SPATC1: variants seen among roughly 807,000 people sequenced by gnomAD.
The protein encoded by SPATC1 is speriolin.
In SPATC1, 35 loss-of-function variants were observed where a neutral mutation model predicts 36.5. That is an observed-to-expected ratio of 0.96 (90% CI 0.73 to 1.27). The LOEUF (loss-of-function observed/expected upper bound fraction) is 1.27, where lower values mean the gene tolerates loss of function less well. SPATC1 is among the 50% of genes most tolerant of loss of function. The pLI is 0.00. For synonymous variants in SPATC1, 361 were observed against 353.6 expected, an observed-to-expected ratio of 1.02 and a Z score of -0.24; for missense variants, 779 against 796.0, an observed-to-expected ratio of 0.98 and a Z score of 0.26.
At chr8:144,044,162 A>G (rs1564282078) in intron 4 of SPATC1, among the ~76,000 whole-genome samples, 1 of 152,180 alleles carries the variant, frequency 6.6e-6, no homozygotes, top group Non-Finnish European at 1.5e-5. Context: ...TGCGTAAAGC[A>G]ATACATCAAT....
intron 4 of SPATC1, among the ~76,000 whole-genome samples, chr8:144,044,227 CT>C (rs1554756466): frequency 6.6e-6 from 1 of 152,010 alleles, no homozygotes; most frequent in Non-Finnish European, 1.5e-5. Context: ...GTGGTACTGC[CT>C]TGCAATCTCC....
intron 1 of SPATC1, among the ~76,000 whole-genome samples, chr8:144,015,765 A>G (rs1385594696): frequency 6.7e-6 from 1 of 149,984 alleles, no homozygotes; most frequent in African/African-American, 2.4e-5. Context: ...AAAGAAAAGA[A>G]AAAAGAAAAA....
At position 144,016,845 on chromosome 8, in the gene SPATC1, C is replaced by T. The variant is rs1260800782; in HGVS notation, c.211+4119C>T. Among the ~76,000 whole-genome samples, 1 of 152,156 alleles carries T rather than the reference C, an allele frequency of 6.6e-6. No individual in the cohort carries two copies. The highest frequency in any genetic ancestry group is 1.5e-5 in the Non-Finnish European group (1 of 68,034). On this transcript the variant is annotated intron_variant, in intron 1 of 4. Coordinates refer to ENST00000377470, the MANE Select transcript of SPATC1 (RefSeq NM_198572.3). This position sits in a 1 kb window ranked among gnomAD's most constrained non-coding sequence, Gnocchi z 4.5. ...AGAGACGAGGTTTCTCCATGTTGGT[C>T]TCATGTCGGCCTCAAACTCCCGACT...
chr8:144,046,824 CT>C lies in SPATC1; in HGVS notation c.1645del (p.Tyr549ThrfsTer63). 1 of 1,604,228 alleles carries C rather than the reference CT, an allele frequency of 6.2e-7. No homozygotes were observed. The highest frequency in any genetic ancestry group is 8.5e-7 in the Non-Finnish European group (1 of 1,179,898). ...AGCTGGCGGCGTCTGAGGGCGGCCC[CT>C]ACACCGTGGACTTCCTGCAGCGTGT... is the stretch of plus-strand genomic sequence containing the variant. ...PELAASEGGP[Y>X]TVDFLQRVVV... On this transcript the variant is annotated frameshift_variant, in exon 5 of 5. Coordinates refer to ENST00000377470, the MANE Select transcript of SPATC1 (RefSeq NM_198572.3). LOFTEE classifies it high-confidence loss of function. The surrounding 1 kb of genome is among the most constrained non-coding windows in gnomAD (Gnocchi z 6.6).
At chr8:144,042,310 TA>T (rs1554756221) in intron 4 of SPATC1, among the ~76,000 whole-genome samples, 950 of 61,718 alleles carry the variant, frequency 0.015, 11 homozygotes, top group East Asian at 0.025. Context: ...TATATATATA[TA>T]TTTTTTTTTT....
chr8:144,040,266 C>T lies in SPATC1; in HGVS notation c.569C>T (p.Thr190Met), dbSNP rs377103432. 1.3e-4 allele frequency: 206 copies of T among 1,612,854 alleles called. 2 individuals are homozygous for T. The South Asian group carries it at 1.9e-3, about 15-fold the overall frequency. Residue 190 changes from threonine to methionine, a missense_variant, in exon 2 of 5, where the codon ACG becomes ATG. Coordinates refer to ENST00000377470, the MANE Select transcript of SPATC1 (RefSeq NM_198572.3). Reference protein sequence around the residue: ...SSPLIAPVMGTVAVSLSSPLL... With the variant: ...SSPLIAPVMGMVAVSLSSPLL... The stretch of plus-strand genomic sequence containing the variant: ...CCCCTGATAGCCCCTGTGATGGGCA[C>T]GGTGGCTGTCTCTCTGAGCAGCCCC...
In SPATC1 at chr8:144,016,341, C is replaced by T. The variant is rs547787001; in HGVS notation, c.211+3615C>T. ...TTTGTGAGTGAATGTGTGCATATGG[C>T]TCTGTGTGTGTGTGAGTTGCTGTGT... On this transcript the variant is annotated intron_variant, in intron 1 of 4. Coordinates refer to ENST00000377470, the MANE Select transcript of SPATC1 (RefSeq NM_198572.3). The surrounding 1 kb of genome is among the most constrained non-coding windows in gnomAD (Gnocchi z 4.5). 6.6e-6 allele frequency among the ~76,000 whole-genome samples: 1 copy of T among 151,710 alleles called. No individual in the cohort carries two copies. Among genetic ancestry groups the T allele is most frequent in the African/African-American group, 2.4e-5 (1 of 41,278 alleles).
At chr8:144,043,275 G>A (rs1835165302) in intron 4 of SPATC1, among the ~76,000 whole-genome samples, 1 of 150,164 alleles carries the variant, frequency 6.7e-6, no homozygotes, top group South Asian at 2.1e-4. Flanking sequence ...GATTACAGGC[G>A]TGAGCCACGG....
chr8:144,043,699 T>A (rs547455888), intron 4 of SPATC1, among the ~76,000 whole-genome samples: 1 of 151,906 alleles, frequency 6.6e-6, no homozygotes, highest in Non-Finnish European at 1.5e-5. Context: ...TTTTTTTTTT[T>A]TTTTTTTACA....
At chr8:144,013,419 A>G (rs1554752731) in intron 1 of SPATC1, among the ~76,000 whole-genome samples, 1 of 151,948 alleles carries the variant, frequency 6.6e-6, no homozygotes, top group African/African-American at 2.4e-5. Flanking sequence ...CTCACTCCAA[A>G]CTAGACATGT....
chr8:144,018,666 G>C (rs1400014302), intron 1 of SPATC1, among the ~76,000 whole-genome samples: 3 of 151,962 alleles, frequency 2.0e-5, no homozygotes, highest in African/African-American at 7.3e-5. Context: ...CTCCAGACCC[G>C]TGGCTTCAAT....
At chr8:144,014,270 A>C (rs782799282) in intron 1 of SPATC1, among the ~76,000 whole-genome samples, 2 of 147,290 alleles carry the variant, frequency 1.4e-5, no homozygotes, top group Non-Finnish European at 2.9e-5. Flanking sequence ...GGAAAGAAAG[A>C]AAGAAAGAGA....
In SPATC1 at chr8:144,012,515, C is replaced by T. The variant is rs2133089811; in HGVS notation, c.-1C>T. The T allele has an allele frequency of 6.4e-7, 1 of 1,551,672 alleles. No individual in the cohort carries two copies. Among genetic ancestry groups the T allele is most frequent in the East Asian group, 2.4e-5 (1 of 40,912 alleles). ...CCGCACCCTTGCCACTGCCCCAGGG[C>T]ATGTCTCTACTCACCAATTATGAAG... On this transcript the variant is annotated 5_prime_UTR_variant, in exon 1 of 5. Transcript: ENST00000377470.
At chr8:144,026,990 T>TC (rs1229637258) in intron 1 of SPATC1, among the ~76,000 whole-genome samples, 11 of 143,728 alleles carry the variant, frequency 7.7e-5, no homozygotes, top group African/African-American at 2.3e-4. Flanking sequence ...TTTTTTTCTT[T>TC]TTTTTTTTTT....
intron 1 of SPATC1, among the ~76,000 whole-genome samples, chr8:144,038,087 C>T (rs1321925820): frequency 3.5e-4 from 53 of 150,062 alleles, no homozygotes; most frequent in Admixed American, 3.1e-3. Context: ...GAGATCGCAC[C>T]ACTGCACTCC....
At chr8:144,041,880 G>T in intron 4 of SPATC1, 6 of 876,206 alleles carry the variant, frequency 6.8e-6, no homozygotes, top group Non-Finnish European at 8.2e-6. Context: ...TAGCCTAAGC[G>T]GGAGCTACTG....
chr8:144,016,603 TTTTG>T lies in SPATC1; in HGVS notation c.211+3897_211+3900del, dbSNP rs534048833. 0.018 allele frequency among the ~76,000 whole-genome samples: 2,733 copies of T among 151,784 alleles called. 74 individuals are homozygous for T. Among genetic ancestry groups the T allele is most frequent in the African/African-American group, 0.058 (2,413 of 41,282 alleles). ...AAGGCGCTAAGAAGACACTGATGGT[TTTTG>T]TTTGTTTGTTTGTTTGTTTTTTTGT... On this transcript the variant is annotated intron_variant, in intron 1 of 4. Coordinates refer to ENST00000377470, the MANE Select transcript of SPATC1 (RefSeq NM_198572.3). The surrounding 1 kb of genome is among the most constrained non-coding windows in gnomAD (Gnocchi z 4.5).
chr8:144,012,602 G>A lies in SPATC1; in HGVS notation c.87G>A (p.Arg29=). 1 of 1,551,754 alleles carries A rather than the reference G, an allele frequency of 6.4e-7. No individual in the cohort carries two copies. Among genetic ancestry groups the A allele is most frequent in the Non-Finnish European group, 8.7e-7 (1 of 1,147,006 alleles). The part of the protein sequence containing the change: ...RENEELKKLV[R]LIRENHELKS... ...ATGAGGAACTGAAGAAGTTGGTGCG[G>A]CTCATTCGGGAGAATCACGAGCTCA... The change falls in exon 1 of 5, where the codon CGG becomes CGA. Residue 29 remains arginine (R), a synonymous_variant. Coordinates refer to ENST00000377470, the MANE Select transcript of SPATC1 (RefSeq NM_198572.3).
rs1276740467 is a variant in SPATC1 at position 144,040,430 on chromosome 8, C to T, written c.733C>T (p.Pro245Ser). The T allele has an allele frequency of 2.5e-6, 4 of 1,606,934 alleles. No homozygotes were observed. Among genetic ancestry groups the T allele is most frequent in the Non-Finnish European group, 3.4e-6 (4 of 1,177,246 alleles). Residue 245 changes from proline (P) to serine (S), a missense_variant, in exon 2 of 5, where the codon CCA becomes TCA. Coordinates refer to ENST00000377470, the MANE Select transcript of SPATC1 (RefSeq NM_198572.3). ...CGGAGGCCCCACTGGGCCCCAGTCC[C>T]CAGCTTGCGTGGTACCCACTGCCAC... ...LRGGPTGPQS[P>S]ACVVPTATTK...
Sources: allele counts gnomAD v4.1 joint callset (sites outside exome capture counted in the v4.1 genomes callset), GRCh38; gene constraint gnomAD v4.1.1; non-coding constraint Gnocchi (gnomAD v3.1); transcripts MANE v1.5; gene names NCBI Gene and HGNC (gene_info 2026-07-23, HGNC 2026-07-21).